RBFOX1: variants seen among roughly 807,000 people sequenced by gnomAD.
RBFOX1 encodes the protein RNA binding protein fox-1 homolog 1.
In RBFOX1, 8 loss-of-function variants were observed where a neutral mutation model predicts 57.7. That is an observed-to-expected ratio of 0.14 (90% confidence interval 0.08 to 0.25). RBFOX1 has a LOEUF of 0.25. RBFOX1 is among the 10% of genes least tolerant of loss of function. The pLI is 1.00. For missense variants in RBFOX1, 611 were observed against 548.5 expected (o/e 1.11, Z -1.14); for synonymous variants, 326 against 222.4 (o/e 1.47, Z -4.15).
intron 2 of RBFOX1, among the ~76,000 whole-genome samples, chr16:5,500,322 A>G (rs988935524): frequency 6.6e-6 from 1 of 151,970 alleles, no homozygotes; most frequent in Non-Finnish European, 1.5e-5. Context: ...TGCTGAATTC[A>G]AGTGATCCTC....
chr16:5,587,502 C>A (rs868128512), intron 2 of RBFOX1, among the ~76,000 whole-genome samples: 1 of 152,180 alleles, frequency 6.6e-6, no homozygotes, highest in African/African-American at 2.4e-5. Context: ...CACCTGAGGT[C>A]AGGAGTTTGA....
At chr16:7,065,817 C>G (rs955440715) in intron 4 of RBFOX1, among the ~76,000 whole-genome samples, 3 of 152,122 alleles carry the variant, frequency 2.0e-5, no homozygotes, top group African/African-American at 7.2e-5. Context: ...CTCCAGCCTC[C>G]AAGCCTCTGG....
At chr16:6,441,167 A>T (rs1336735849) in intron 2 of RBFOX1, among the ~76,000 whole-genome samples, 2 of 152,056 alleles carry the variant, frequency 1.3e-5, no homozygotes, top group African/African-American at 4.8e-5. Flanking sequence ...TGGTGAGTGG[A>T]TGGCAGCTGT....
chr16:6,048,938 C>T (rs1463131159), intron 1 of RBFOX1, among the ~76,000 whole-genome samples: 1 of 151,774 alleles, frequency 6.6e-6, no homozygotes, highest in Non-Finnish European at 1.5e-5. Context: ...TATAGCATGA[C>T]TCAGACTGGG....
At chr16:7,302,742 C>CTTT (rs765547396) in intron 4 of RBFOX1, among the ~76,000 whole-genome samples, 4 of 88,010 alleles carry the variant, frequency 4.5e-5, no homozygotes, top group African/African-American at 1.3e-4. Flanking sequence ...CAAGAATGTG[C>CTTT]TTTTTTTTTT....
At chr16:6,907,855 T>G (rs1391002642) in intron 3 of RBFOX1, among the ~76,000 whole-genome samples, 2 of 151,754 alleles carry the variant, frequency 1.3e-5, no homozygotes, top group African/African-American at 4.8e-5. Context: ...ATTACAGGCA[T>G]GAGCCCCCAT....
intron 2 of RBFOX1, among the ~76,000 whole-genome samples, chr16:5,590,071 AC>A (rs1308007357): frequency 2.0e-5 from 2 of 97,726 alleles, no homozygotes; most frequent in Non-Finnish European, 4.3e-5. Flanking sequence ...ACACACACAC[AC>A]ACACAAAAAG....
At chr16:6,646,631 G>A (rs527848645) in intron 2 of RBFOX1, among the ~76,000 whole-genome samples, 1 of 151,944 alleles carries the variant, frequency 6.6e-6, no homozygotes, top group African/African-American at 2.4e-5. Context: ...AGGAGAGAAA[G>A]GAAATGCTTA....
At chr16:7,683,817 C>T (rs1357379168) in intron 14 of RBFOX1, among the ~76,000 whole-genome samples, 2 of 149,600 alleles carry the variant, frequency 1.3e-5, no homozygotes, top group African/African-American at 4.9e-5. Flanking sequence ...GTGCAAAGCC[C>T]TATGAATGAG....
chr16:6,986,536 C>T (rs1460324115), intron 3 of RBFOX1, among the ~76,000 whole-genome samples: 1 of 152,182 alleles, frequency 6.6e-6, no homozygotes, highest in East Asian at 1.9e-4. Context: ...AACTGATTCA[C>T]CTGCCTTGGC....
rs71394322 is a variant in RBFOX1, at chr16:7,572,843, G to GAATGAATAAATAAATA, written c.271-6931_271-6930insGAATAAATAAATAAAT. Among the ~76,000 whole-genome samples the GAATGAATAAATAAATA allele has an allele frequency of 5.1e-3, 755 of 146,756 alleles. 7 individuals carry two copies. The highest frequency in any genetic ancestry group is 0.018 in the African/African-American group (728 of 39,966). ...AACAGAGTGAGAGTCTCTCTCAAAT[G>GAATGAATAAATAAATA]AATAAATAAATAAATAAATAAAATG... On this transcript the variant is annotated intron_variant, in intron 5 of 15. Transcript: ENST00000550418.
At chr16:6,207,915 A>G (rs935052211) in intron 1 of RBFOX1, among the ~76,000 whole-genome samples, 1 of 152,130 alleles carries the variant, frequency 6.6e-6, no homozygotes, top group African/African-American at 2.4e-5. Context: ...AAATTTTAAA[A>G]TGTGACTCCA....
At chr16:6,374,255 C>G (rs1015962328) in intron 2 of RBFOX1, among the ~76,000 whole-genome samples, 3 of 152,108 alleles carry the variant, frequency 2.0e-5, no homozygotes, top group African/African-American at 4.8e-5. Flanking sequence ...TTCATTGGCT[C>G]ATGTAATTAG....
chr16:5,327,337 C>T (rs1003977501), intron 1 of RBFOX1, among the ~76,000 whole-genome samples: 2 of 152,132 alleles, frequency 1.3e-5, no homozygotes, highest in African/African-American at 2.4e-5. Flanking sequence ...TCTGTGTAGC[C>T]CACAAACTTC....
chr16:6,277,002 G>A (rs2075867451), intron 1 of RBFOX1, among the ~76,000 whole-genome samples: 1 of 152,018 alleles, frequency 6.6e-6, no homozygotes, highest in African/African-American at 2.4e-5. Context: ...AGAAGAAATG[G>A]GAAATAGACC....
intron 4 of RBFOX1, among the ~76,000 whole-genome samples, chr16:7,387,200 C>G (rs1161830017): frequency 1.3e-5 from 2 of 152,116 alleles, no homozygotes; most frequent in Non-Finnish European, 2.9e-5. Context: ...TTTTTGAGTG[C>G]TTGCCACACA....
intron 3 of RBFOX1, among the ~76,000 whole-genome samples, chr16:6,847,481 A>G (rs926659410): frequency 1.3e-5 from 2 of 152,038 alleles, no homozygotes; most frequent in Non-Finnish European, 2.9e-5. Flanking sequence ...GTGGGCTGGA[A>G]TCCTTACCAC....
intron 3 of RBFOX1, among the ~76,000 whole-genome samples, chr16:7,047,038 T>A (rs1267273818): frequency 7.0e-6 from 1 of 142,830 alleles, no homozygotes. Flanking sequence ...AAGCTCTTCA[T>A]GCAATTTCCT....
At chr16:6,434,138 G>A (rs183650716) in intron 2 of RBFOX1, among the ~76,000 whole-genome samples, 20 of 152,238 alleles carry the variant, frequency 1.3e-4, no homozygotes, top group East Asian at 3.9e-4. Context: ...GTGAGCCACC[G>A]TGCCTGGTCA....
Sources: allele counts gnomAD v4.1 joint callset (sites outside exome capture counted in the v4.1 genomes callset), GRCh38; gene constraint gnomAD v4.1.1; transcripts MANE v1.5; gene names NCBI Gene and HGNC (gene_info 2026-07-23, HGNC 2026-07-21).